GML: variants seen among roughly 807,000 people sequenced by gnomAD.
GML encodes glycosyl-phosphatidylinositol-anchored molecule-like protein.
A neutral mutation model predicts 8.2 loss-of-function variants in GML; 5 were observed. That is an observed-to-expected ratio of 0.61 (90% confidence interval 0.32 to 1.28). The LOEUF (loss-of-function observed/expected upper bound fraction) is 1.28. GML is among the 50% of genes most tolerant of loss of function. The pLI is 0.06. For missense variants in GML, 191 were observed against 198.3 expected (o/e 0.96, Z 0.22); for synonymous variants, 72 against 69.0 (o/e 1.04, Z -0.22).
intron 1 of GML, among the ~76,000 whole-genome samples, chr8:142,838,957 C>T (rs4736340): frequency 0.16 from 24,010 of 152,152 alleles, 2,319 homozygotes; most frequent in East Asian, 0.48. Context: ...AGTGAACACA[C>T]TTGATGGGAG....
chr8:142,846,620 C>T lies in GML; in HGVS notation c.407C>T (p.Thr136Ile). 1 of 1,614,044 alleles carries T rather than the reference C, an allele frequency of 6.2e-7. No individual in the cohort carries two copies. Among genetic ancestry groups the T allele is most frequent in the Non-Finnish European group, 8.5e-7 (1 of 1,179,898 alleles). Residue 136 changes from threonine (T) to isoleucine (I), a missense_variant, in exon 4 of 4, where the codon ACT (threonine) becomes ATT (isoleucine). Coordinates refer to ENST00000220940, the MANE Select transcript of GML (RefSeq NM_002066.3). The part of the protein sequence containing the change: ...EVTEEELPEG[T>I]VRLGVSKLLL... ...ACTGAGGAGGAGCTTCCAGAAGGAA[C>T]TGTGAGGCTGGGGGTATCAAAACTG...
At chr8:142,843,166 A>G (rs1816458634) in intron 3 of GML, among the ~76,000 whole-genome samples, 1 of 151,916 alleles carries the variant, frequency 6.6e-6, no homozygotes, top group Non-Finnish European at 1.5e-5. Flanking sequence ...TCCTGAGACA[A>G]GGGGCCTGGG....
At chr8:142,843,379 A>G (rs367760555) in intron 3 of GML, among the ~76,000 whole-genome samples, 2 of 152,086 alleles carry the variant, frequency 1.3e-5, no homozygotes, top group Non-Finnish European at 2.9e-5. Flanking sequence ...TTAATTCACC[A>G]TATTAACAAA....
At chr8:142,846,060 C>G (rs1391450763) in intron 3 of GML, among the ~76,000 whole-genome samples, 1 of 152,172 alleles carries the variant, frequency 6.6e-6, no homozygotes, top group African/African-American at 2.4e-5. Flanking sequence ...ATTTCTCGGG[C>G]TCTAGAATTC....
At chr8:142,836,817 C>A (rs1280022163) in intron 1 of GML, among the ~76,000 whole-genome samples, 3 of 152,174 alleles carry the variant, frequency 2.0e-5, no homozygotes, top group Admixed American at 2.0e-4. Flanking sequence ...CTGTCTCTAA[C>A]CCTAACTGAA....
intron 1 of GML, among the ~76,000 whole-genome samples, chr8:142,837,502 G>A (rs557999030): frequency 6.6e-5 from 10 of 151,574 alleles, no homozygotes; most frequent in Non-Finnish European, 1.3e-4. Flanking sequence ...TCAGGTTACC[G>A]CAGGCAGTTT....
chr8:142,840,396 A>G lies in GML; in HGVS notation c.-22-20A>G, dbSNP rs3750247. 643,920 of 1,480,066 alleles carry G rather than the reference A, an allele frequency of 0.44. 141,578 individuals are homozygous for G. Among genetic ancestry groups the G allele is most frequent in the Middle Eastern group, 0.48 (2,772 of 5,820 alleles). 91.7% of individuals were successfully genotyped at this position (1,480,066 alleles called of 1,614,324 possible). ...GAGCCATGGCTCACTAACGTGTTGT[A>G]TGGGGCTCCTTCCCTTCAGGTCCAG... On this transcript the variant is annotated intron_variant, in intron 1 of 3. Coordinates refer to ENST00000220940, the MANE Select transcript of GML (RefSeq NM_002066.3).
chr8:142,843,494 T>G (rs1816465754), intron 3 of GML, among the ~76,000 whole-genome samples: 1 of 152,200 alleles, frequency 6.6e-6, no homozygotes, highest in Admixed American at 6.5e-5. Context: ...CTATTCCCAA[T>G]GGAACTGGAG....
chr8:142,842,162 C>T (rs1816443221), intron 3 of GML, among the ~76,000 whole-genome samples: 1 of 152,090 alleles, frequency 6.6e-6, no homozygotes. Context: ...GGAGCTTTTC[C>T]CCGGCACTTC....
rs185500754 is a variant in GML, at chr8:142,842,006, C to T, written c.181+781C>T. 1.9e-3 allele frequency among the ~76,000 whole-genome samples: 284 copies of T among 152,282 alleles called. 1 individual carries two copies. The highest frequency in any genetic ancestry group is 3.4e-3 in the Middle Eastern group (1 of 294). ...CCTCGGTGTGGTTTGGCTATGTCCC[C>T]ACCCAGATCTCATCTTGAATTGTAA... On this transcript the variant is annotated intron_variant, in intron 3 of 3. Coordinates refer to ENST00000220940, the MANE Select transcript of GML (RefSeq NM_002066.3).
intron 1 of GML, among the ~76,000 whole-genome samples, chr8:142,839,530 G>T (rs1049174648): frequency 2.0e-5 from 3 of 152,170 alleles, no homozygotes; most frequent in African/African-American, 7.2e-5. Flanking sequence ...ACCCCCTCCA[G>T]GTGGGGCCTT....
chr8:142,839,865 G>A (rs1816400318), intron 1 of GML, among the ~76,000 whole-genome samples: 1 of 152,196 alleles, frequency 6.6e-6, no homozygotes, highest in Non-Finnish European at 1.5e-5. Flanking sequence ...TGCCCAGGGT[G>A]AAGGAAGACT....
At chr8:142,840,996 TAGG>T (rs1385195907) in intron 2 of GML, 119 bp from the exon 3 acceptor site, 6 of 671,252 alleles carry the variant, frequency 8.9e-6, no homozygotes, top group South Asian at 1.7e-5. Flanking sequence ...CTGTGCAGGC[TAGG>T]AGAAGTCCTT....
chr8:142,834,947 T>C (rs901779974), intron 1 of GML, 79 bp downstream of exon 1: 1 of 91,326 alleles, frequency 1.1e-5, no homozygotes, highest in Non-Finnish European at 2.3e-5. Flanking sequence ...AGCCTCCTCG[T>C]CAGCTGCTTG....
intron 1 of GML, among the ~76,000 whole-genome samples, chr8:142,839,765 C>A (rs183090763): frequency 6.6e-6 from 1 of 152,236 alleles, no homozygotes; most frequent in East Asian, 1.9e-4. Context: ...ACCTGGGGGG[C>A]GTTTCTGAGC....
intron 3 of GML, among the ~76,000 whole-genome samples, 164 bp downstream of exon 3, chr8:142,841,389 C>T (rs576343791): frequency 4.6e-5 from 7 of 152,290 alleles, no homozygotes; most frequent in Admixed American, 3.9e-4. Context: ...GTCTCAGCCT[C>T]ATGATAGGCC....
intron 1 of GML, 127 bp from the exon 2 acceptor site, chr8:142,840,289 G>T (rs777416813): frequency 8.9e-5 from 57 of 637,228 alleles, no homozygotes; most frequent in Non-Finnish European, 1.4e-4. Flanking sequence ...GGAGCTACTG[G>T]CCCAGTGGGG....
chr8:142,835,559 A>G (rs1220898271), intron 1 of GML, among the ~76,000 whole-genome samples: 1 of 152,020 alleles, frequency 6.6e-6, no homozygotes, highest in Non-Finnish European at 1.5e-5. Flanking sequence ...CCTTCAGGCT[A>G]CTTCTGCCAG....
At chr8:142,846,152 G>C (rs1054495567) in intron 3 of GML, among the ~76,000 whole-genome samples, 36 of 152,284 alleles carry the variant, frequency 2.4e-4, no homozygotes, top group Admixed American at 1.2e-3. Context: ...GAGGGCCAGA[G>C]GCCTAAAGAT....
Sources: gnomAD v4.1 joint callset for allele counts (sites outside exome capture counted in the v4.1 genomes callset) on GRCh38, gnomAD v4.1.1 for gene constraint, MANE v1.5 for transcripts, NCBI Gene and HGNC (gene_info 2026-07-23, HGNC 2026-07-21) for gene names.